SCAI: variants seen among roughly 807,000 people sequenced by gnomAD.
SCAI encodes the protein suppressor of cancer cell invasion.
Under a neutral mutation model 92.2 loss-of-function variants are expected in SCAI, and 24 were observed. The ratio of observed to expected loss-of-function variants is 0.26; its 90% CI spans 0.19 to 0.37. SCAI has a LOEUF of 0.37. SCAI is among the 10% of genes least tolerant of loss of function. The probability of loss-of-function intolerance (pLI) is 1.00; values close to 1 mark genes in which losing one functional copy is unlikely to be tolerated. For synonymous variants in SCAI, 261 were observed against 258.6 expected (o/e 1.01, Z -0.09); for missense variants, 450 against 736.2 (o/e 0.61, Z 4.50).
intron 3 of SCAI, among the ~76,000 whole-genome samples, chr9:125,047,593 TGAA>T (rs2131122540): frequency 6.6e-6 from 1 of 152,208 alleles, no homozygotes; most frequent in African/African-American, 2.4e-5. Flanking sequence ...CATGGACCAG[TGAA>T]GAAGACAACC....
At chr9:125,066,896 C>T (rs544624565) in intron 2 of SCAI, among the ~76,000 whole-genome samples, 45 of 152,292 alleles carry the variant, frequency 3.0e-4, no homozygotes, top group African/African-American at 1.0e-3. Context: ...GTATTCAGTA[C>T]AGTACCATGC....
intron 2 of SCAI, among the ~76,000 whole-genome samples, chr9:125,063,018 CAAAAAA>C (rs71374223): frequency 1.2e-5 from 1 of 85,638 alleles, no homozygotes; most frequent in Non-Finnish European, 2.1e-5. Context: ...GACTCCGTCT[CAAAAAA>C]AAAAAAAAAA....
intron 17 of SCAI, among the ~76,000 whole-genome samples, chr9:124,956,764 T>G (rs559570819): frequency 2.6e-5 from 4 of 152,322 alleles, no homozygotes; most frequent in East Asian, 3.9e-4. Context: ...AAGGCAAGGA[T>G]GTCCATTTTC....
At chr9:124,968,402 G>T in intron 17 of SCAI, 1 of 1,125,870 alleles carries the variant, frequency 8.9e-7, no homozygotes, top group Non-Finnish European at 1.4e-6. Context: ...AATCGTGGGA[G>T]TACACCCAGT....
intron 17 of SCAI, 87 bp from the exon 18 acceptor site, chr9:124,953,040 G>A (rs1831255690): frequency 2.8e-6 from 3 of 1,058,724 alleles, no homozygotes; most frequent in African/African-American, 3.2e-5. Flanking sequence ...GGAGTAATAT[G>A]TATTTTCACT....
At chr9:124,961,875 G>GTTT (rs1365986315) in intron 17 of SCAI, among the ~76,000 whole-genome samples, 1 of 132,510 alleles carries the variant, frequency 7.5e-6, no homozygotes. Context: ...CTTTGTGGCA[G>GTTT]TTTTTTTTTT....
At chr9:125,004,923 G>A (rs1157050777) in intron 9 of SCAI, among the ~76,000 whole-genome samples, 1 of 148,780 alleles carries the variant, frequency 6.7e-6, no homozygotes, top group Non-Finnish European at 1.5e-5. Context: ...AGAGTAGCTG[G>A]GATTATGGGC....
At chr9:124,994,423 A>C (rs1832198231) in intron 14 of SCAI, among the ~76,000 whole-genome samples, 1 of 152,194 alleles carries the variant, frequency 6.6e-6, no homozygotes, top group African/African-American at 2.4e-5. Flanking sequence ...GATCCCTGTC[A>C]CTTATTTCAG....
intron 15 of SCAI, among the ~76,000 whole-genome samples, chr9:124,972,395 T>C (rs1831677556): frequency 6.6e-6 from 1 of 152,180 alleles, no homozygotes; most frequent in Admixed American, 6.5e-5. Context: ...TTGCGGTAGA[T>C]ACTGGACACT....
chr9:124,996,276 A>C (rs1454182324), intron 13 of SCAI, among the ~76,000 whole-genome samples: 2 of 152,148 alleles, frequency 1.3e-5, no homozygotes, highest in Admixed American at 1.3e-4. Context: ...TTACTCTTTC[A>C]GAAAATTTCG....
chr9:124,981,793 A>T (rs1302645286), intron 14 of SCAI, among the ~76,000 whole-genome samples: 1 of 152,052 alleles, frequency 6.6e-6, no homozygotes, highest in East Asian at 1.9e-4. Flanking sequence ...AGCACTGCAC[A>T]GACGTGGCAC....
At chr9:124,973,607 C>T (rs375226384) in intron 15 of SCAI, among the ~76,000 whole-genome samples, 3 of 152,012 alleles carry the variant, frequency 2.0e-5, no homozygotes, top group African/African-American at 7.2e-5. Flanking sequence ...CGGAGGCGGG[C>T]AGATCACGAG....
chr9:125,058,914 A>G (rs191826918), intron 2 of SCAI, among the ~76,000 whole-genome samples: 3 of 152,370 alleles, frequency 2.0e-5, no homozygotes, highest in Admixed American at 2.0e-4. Flanking sequence ...CAAACAGGGT[A>G]ATTTCAGCAT....
chr9:125,001,583 G>A (rs1356406398), intron 12 of SCAI, among the ~76,000 whole-genome samples: 1 of 152,146 alleles, frequency 6.6e-6, no homozygotes, highest in East Asian at 1.9e-4. Context: ...ATTCCCCAAT[G>A]CACTGAAAGC....
rs540891690 is a variant in SCAI at position 124,989,094 on chromosome 9, G to A, written c.1326+5840C>T. Among the ~76,000 whole-genome samples, 281 of 152,102 alleles carry A rather than the reference G, an allele frequency of 1.8e-3. 1 individual carries two copies. Among genetic ancestry groups the A allele is most frequent in the Non-Finnish European group, 2.5e-3 (171 of 68,000 alleles). The stretch of plus-strand genomic sequence containing the variant: ...GTGGATGTTGCAGAGAGCCAAGATC[G>A]TGCCACTGCACTCCAGCCTGGTTGG... On this transcript the variant is annotated intron_variant, in intron 14 of 17. Coordinates refer to ENST00000336505, the MANE Select transcript of SCAI (RefSeq NM_001144877.3).
chr9:125,001,919 G>A (rs371792830), intron 12 of SCAI, 46 bp downstream of exon 12: 167 of 1,332,500 alleles, frequency 1.3e-4, no homozygotes, highest in Non-Finnish European at 1.5e-4. Flanking sequence ...AGAAAATAAA[G>A]AGAATTCAAG....
intron 17 of SCAI, among the ~76,000 whole-genome samples, chr9:124,960,300 T>G (rs183226574): frequency 2.0e-5 from 3 of 152,250 alleles, no homozygotes; most frequent in Non-Finnish European, 4.4e-5. Context: ...GTGATCATAA[T>G]TCACTGTAAC....
chr9:125,052,369 T>A (rs1833576994), intron 3 of SCAI, among the ~76,000 whole-genome samples: 1 of 151,574 alleles, frequency 6.6e-6, no homozygotes, highest in East Asian at 2.0e-4. Context: ...TCAGGAGTTC[T>A]AGACCAGCCT....
At chr9:124,967,124 G>A (rs1831556673) in intron 17 of SCAI, among the ~76,000 whole-genome samples, 1 of 152,076 alleles carries the variant, frequency 6.6e-6, no homozygotes, top group South Asian at 2.1e-4. Flanking sequence ...ATTAAAATGA[G>A]GTAATATGGT....
Sources: allele counts gnomAD v4.1 joint callset (sites outside exome capture counted in the v4.1 genomes callset), GRCh38; gene constraint gnomAD v4.1.1; transcripts MANE v1.5; gene names NCBI Gene and HGNC (gene_info 2026-07-23, HGNC 2026-07-21).